The following CERS4 variants were observed in gnomAD, a reference collection of about 807,000 sequenced individuals.
The protein encoded by CERS4 is LAG1 homolog, ceramide synthase 4.
Under a neutral mutation model 51.8 loss-of-function variants are expected in CERS4, and 65 were observed. The observed-to-expected ratio is 1.26, with a 90% CI of 1.03 to 1.54. The LOEUF (loss-of-function observed/expected upper bound fraction) is 1.54. Ranked by LOEUF, CERS4 falls within the 40% of genes most tolerant of loss-of-function variation. CERS4 has a pLI of 0.00. For missense variants in CERS4, 563 were observed against 500.4 expected, an observed-to-expected ratio of 1.13 and a Z score of -1.19; for synonymous variants, 228 against 208.4, an observed-to-expected ratio of 1.09 and a Z score of -0.81.
chr19:8,250,937 C>T, intron 2 of CERS4, 139 bp from the exon 3 acceptor site: 1 of 1,462,342 alleles, frequency 6.8e-7, no homozygotes, highest in Non-Finnish European at 9.0e-7. Flanking sequence ...GGAGTTCCAT[C>T]TTCCAGTCCT....
chr19:8,250,838 A>G, intron 2 of CERS4: 1 of 1,301,158 alleles, frequency 7.7e-7, no homozygotes, highest in Non-Finnish European at 9.7e-7. Flanking sequence ...TCTGCCTTTT[A>G]ACACTGACCA....
intron 8 of CERS4, 68 bp downstream of exon 8, chr19:8,256,778 C>T: frequency 6.3e-7 from 1 of 1,577,684 alleles, no homozygotes; most frequent in Non-Finnish European, 8.6e-7. Flanking sequence ...GGGGGTAGGG[C>T]AGCCTTACAA....
intron 4 of CERS4, among the ~76,000 whole-genome samples, chr19:8,254,987 G>A (rs1969302129): frequency 6.6e-6 from 1 of 152,118 alleles, no homozygotes; most frequent in African/African-American, 2.4e-5. Context: ...GAGAGTAGTT[G>A]CTTGCTCTCC....
At chr19:8,229,816 C>T (rs1263991367) in intron 2 of CERS4, among the ~76,000 whole-genome samples, 2 of 152,220 alleles carry the variant, frequency 1.3e-5, no homozygotes, top group Non-Finnish European at 2.9e-5. Flanking sequence ...AAGTGATCCT[C>T]CTGCCTCAGC....
chr19:8,250,883 G>C, intron 2 of CERS4, 193 bp from the exon 3 acceptor site: 1 of 1,414,584 alleles, frequency 7.1e-7, no homozygotes, highest in Non-Finnish European at 9.2e-7. Context: ...ATGAAGTGGT[G>C]GCTCTTCTGG....
At chr19:8,226,043 A>G (rs1967774084) in intron 2 of CERS4, among the ~76,000 whole-genome samples, 1 of 151,990 alleles carries the variant, frequency 6.6e-6, no homozygotes, top group Non-Finnish European at 1.5e-5. Flanking sequence ...TAAAAAATGC[A>G]AAAATTAGCC....
chr19:8,216,861 C>T (rs1488017169), intron 2 of CERS4, among the ~76,000 whole-genome samples: 1 of 152,090 alleles, frequency 6.6e-6, no homozygotes, highest in Non-Finnish European at 1.5e-5. Context: ...TGGCAGGTAA[C>T]AGGCAGGTTC....
chr19:8,211,322 C>A (rs377563425), intron 2 of CERS4, among the ~76,000 whole-genome samples: 2 of 152,084 alleles, frequency 1.3e-5, no homozygotes, highest in Admixed American at 6.6e-5. Context: ...AGCTCGCTGC[C>A]CTGTCCCCTT....
At chr19:8,259,171 G>T (rs965858251) in intron 10 of CERS4, among the ~76,000 whole-genome samples, 2 of 152,200 alleles carry the variant, frequency 1.3e-5, no homozygotes, top group African/African-American at 4.8e-5. Context: ...AGGAAGTATG[G>T]GAGAGGTGGG....
chr19:8,235,313 G>A (rs4804290), intron 2 of CERS4, among the ~76,000 whole-genome samples: 128,542 of 151,018 alleles, frequency 0.85, 54,797 homozygotes, highest in African/African-American at 0.91. Flanking sequence ...GGCATAATAG[G>A]GACGAGGTTT....
chr19:8,230,996 C>T lies in CERS4; in HGVS notation c.-1-20080C>T, dbSNP rs10412623. Among the ~76,000 whole-genome samples the T allele has an allele frequency of 6.6e-3, 1,005 of 152,156 alleles. 15 individuals are homozygous for T. Among genetic ancestry groups the T allele is most frequent in the African/African-American group, 0.023 (950 of 41,502 alleles). ...CTGGGACTACAGGCTTATGCCACCA[C>T]GCTCAGCTAATTTTTGTATTTTTTG... is the stretch of plus-strand genomic sequence containing the variant. On this transcript the variant is annotated intron_variant, in intron 2 of 11. Coordinates refer to ENST00000251363, the MANE Select transcript of CERS4 (RefSeq NM_024552.3).
chr19:8,234,622 A>G (rs1968159813), intron 2 of CERS4, among the ~76,000 whole-genome samples: 1 of 138,490 alleles, frequency 7.2e-6, no homozygotes, highest in African/African-American at 2.8e-5. Context: ...GGCTTGATCT[A>G]AACTCACTGC....
At chr19:8,237,811 ACT>A (rs1568515837) in intron 2 of CERS4, among the ~76,000 whole-genome samples, 1 of 152,202 alleles carries the variant, frequency 6.6e-6, no homozygotes, top group Non-Finnish European at 1.5e-5. Context: ...AGATTGCGCC[ACT>A]GCACACCAGC....
At chr19:8,251,019 C>G in intron 2 of CERS4, 57 bp from the exon 3 acceptor site, 1 of 1,515,614 alleles carries the variant, frequency 6.6e-7, no homozygotes, top group Non-Finnish European at 8.9e-7. Flanking sequence ...TCAGGCCCCA[C>G]TTGCCCCACC....
chr19:8,245,122 A>AAAAACAAAAAAAAACAAAACAAAAAC (rs1555777239), intron 2 of CERS4, among the ~76,000 whole-genome samples: 5 of 129,258 alleles, frequency 3.9e-5, no homozygotes, highest in African/African-American at 6.4e-5. Context: ...AAAAAAAAAA[A>AAAAACAAAAAAAAACAAAACAAAAAC]AAAAAAAAAA....
At chr19:8,261,664 C>T in intron 10 of CERS4, 24 bp from the exon 11 acceptor site, 1 of 1,613,372 alleles carries the variant, frequency 6.2e-7, no homozygotes, top group South Asian at 1.1e-5. Flanking sequence ...AAACCCCAGC[C>T]TCCTCCTCTC....
intron 8 of CERS4, 87 bp downstream of exon 8, chr19:8,256,797 T>G: frequency 6.4e-7 from 1 of 1,567,666 alleles, no homozygotes; most frequent in Admixed American, 1.8e-5. Flanking sequence ...AACCGCACCT[T>G]GAGAGCTCCC....
Position 8,262,196 on chromosome 19 carries a change from T to C in CERS4, c.*87T>C. 7.4e-7 allele frequency: 1 copy of C among 1,345,930 alleles called. No individual in the cohort carries two copies. Among genetic ancestry groups the C allele is most frequent in the Non-Finnish European group, 9.6e-7 (1 of 1,045,216 alleles). The allele number at this position is 1,345,930 out of a possible 1,614,324, so 83.4% of individuals were successfully genotyped here. On this transcript the variant is annotated 3_prime_UTR_variant, in exon 12 of 12. Transcript: ENST00000251363. ...ACTGGACTGGCGCCCCTGGGCCACC[T>C]TTCTGGAGACAGGGAGGGCCCCACC...
intron 2 of CERS4, among the ~76,000 whole-genome samples, chr19:8,234,720 A>AT (rs35957662): frequency 0.48 from 71,412 of 150,200 alleles, 17,109 homozygotes; most frequent in Admixed American, 0.48. Context: ...TGCCCAGCTA[A>AT]TTTTTGCATT....
Sources: gnomAD v4.1 joint callset for allele counts (sites outside exome capture counted in the v4.1 genomes callset) on GRCh38, gnomAD v4.1.1 for gene constraint, MANE v1.5 for transcripts, NCBI Gene and HGNC (gene_info 2026-07-23, HGNC 2026-07-21) for gene names.